The following CCDC125 variants were observed in gnomAD, a reference collection of about 807,000 sequenced individuals.
CCDC125 encodes the protein coiled-coil domain-containing protein 125.
In CCDC125, 43 loss-of-function variants were observed where a neutral mutation model predicts 57.4. That is an observed-to-expected ratio of 0.75 (90% CI 0.59 to 0.97). The LOEUF (loss-of-function observed/expected upper bound fraction) is 0.97. Among genes scored for constraint, CCDC125 ranks in the 50% least tolerant of loss-of-function variants. The probability of loss-of-function intolerance (pLI) is 0.00; values close to 1 mark genes in which losing one functional copy is unlikely to be tolerated. For synonymous variants in CCDC125, 187 were observed against 195.2 expected (o/e 0.96, Z 0.35); for missense variants, 563 against 595.7 (o/e 0.95, Z 0.57).
chr5:69,285,467 C>A lies in CCDC125; in HGVS notation c.1100G>T (p.Gly367Val), dbSNP rs1753186378. The A allele has an allele frequency of 1.3e-6, 2 of 1,590,680 alleles. No homozygotes were observed. The highest frequency in any genetic ancestry group is 1.4e-5 in the African/African-American group (1 of 73,322). ...WMNWKHLKED[G>V]FPSPRSKKTF... ...CTTCTTACTCCTTGGTGATGGAAAT[C>A]CTAAAATTGAACATGAGAATCCAGC... The change falls in exon 11 of 12, where the codon GGA becomes GTA. Residue 367 changes from glycine (G) to valine (V), a missense_variant and splice_region_variant. Coordinates refer to ENST00000396496, the MANE Select transcript of CCDC125 (RefSeq NM_176816.5).
chr5:69,285,211 T>TA (rs1753133912), intron 11 of CCDC125, 126 bp downstream of exon 11: 1 of 769,934 alleles, frequency 1.3e-6, no homozygotes, highest in African/African-American at 1.8e-5. Flanking sequence ...CATAATGTTT[T>TA]AAGAAAGTTT....
At position 69,282,800 on chromosome 5, in the gene CCDC125, G is replaced by C. The variant is rs1752622544; in HGVS notation, c.1465C>G (p.His489Asp). The C allele has an allele frequency of 4.3e-6, 7 of 1,614,056 alleles. No homozygotes were observed. The East Asian group carries it at 1.6e-4, about 36-fold the overall frequency. Reference sequence around the variant, plus strand: ...CTATAGTTTGGATCTATTTGAGAGTGCTGGATTGAACAAATGCAGCCCACA... The same window carrying C: ...CTATAGTTTGGATCTATTTGAGAGTCCTGGATTGAACAAATGCAGCCCACA... Reference protein sequence around the residue: ...NSVGCICSIQHSQIDPNYRTL... With the variant: ...NSVGCICSIQDSQIDPNYRTL... Residue 489 changes from histidine to aspartate, a missense_variant, in exon 12 of 12, where the codon CAC becomes GAC. Transcript: ENST00000396496.
At chr5:69,312,039 T>C (rs999544295) in intron 3 of CCDC125, among the ~76,000 whole-genome samples, 2 of 152,192 alleles carry the variant, frequency 1.3e-5, no homozygotes, top group African/African-American at 4.8e-5. Flanking sequence ...CCAGCCTCAG[T>C]TGGCTTTCAT....
chr5:69,283,107 G>A (rs2150274160), intron 11 of CCDC125, 73 bp from the exon 12 acceptor site: 4 of 1,232,916 alleles, frequency 3.2e-6, no homozygotes, highest in African/African-American at 1.5e-5. Flanking sequence ...AAGGAGTATT[G>A]TACTATTTTA....
chr5:69,331,761 T>C (rs1172302944), intron 1 of CCDC125, among the ~76,000 whole-genome samples: 3 of 152,162 alleles, frequency 2.0e-5, no homozygotes, highest in Non-Finnish European at 4.4e-5. Context: ...CCAGGAATGC[T>C]GTTTCTTCTC....
rs573778835 is a variant in CCDC125 at position 69,316,763 on chromosome 5, T to C, written c.305-2717A>G. Reference sequence around the variant, plus strand: ...CCTGGCCTCAAGTGATTCTCCCACCTCGGCCTCCCAAAATGCTGGGATTAT... The same window carrying C: ...CCTGGCCTCAAGTGATTCTCCCACCCCGGCCTCCCAAAATGCTGGGATTAT... On this transcript the variant is annotated intron_variant, in intron 2 of 11. Coordinates refer to ENST00000396496, the MANE Select transcript of CCDC125 (RefSeq NM_176816.5). Among the ~76,000 whole-genome samples the C allele has an allele frequency of 9.9e-5, 15 of 152,150 alleles. No individual in the cohort carries two copies. In the East Asian group the frequency reaches 2.1e-3, roughly 22 times the overall value.
chr5:69,323,627 T>C (rs906550600), intron 1 of CCDC125, among the ~76,000 whole-genome samples: 3 of 152,292 alleles, frequency 2.0e-5, no homozygotes, highest in African/African-American at 2.4e-5. Context: ...TTGGTTAGAC[T>C]GTACTTGCTT....
chr5:69,299,662 C>G (rs532911044), intron 8 of CCDC125, among the ~76,000 whole-genome samples: 1 of 152,354 alleles, frequency 6.6e-6, no homozygotes, highest in Non-Finnish European at 1.5e-5. Flanking sequence ...GCAGCCCTCA[C>G]AAGACTCCGA....
intron 3 of CCDC125, chr5:69,313,765 C>T (rs1448600664): frequency 1.3e-6 from 1 of 784,376 alleles, no homozygotes; most frequent in Non-Finnish European, 2.4e-6. Context: ...GGCGGAAGAG[C>T]ACCGCCTTCT....
In CCDC125 at chr5:69,285,516, G is replaced by C. The variant is rs377582346; in HGVS notation, c.1100-49C>G. 1.2e-5 allele frequency: 18 copies of C among 1,546,738 alleles called. No homozygotes were observed. In the Middle Eastern group the frequency reaches 5.1e-4, roughly 44 times the overall value. On this transcript the variant is annotated intron_variant, in intron 10 of 11. Coordinates refer to ENST00000396496, the MANE Select transcript of CCDC125 (RefSeq NM_176816.5). ...GCTGAGACATTAAAATATCCTCACT[G>C]ATATACTTCCAGCAAAAGAGGTAAC...
At chr5:69,301,234 C>A (rs11952620) in intron 7 of CCDC125, among the ~76,000 whole-genome samples, 2 of 152,002 alleles carry the variant, frequency 1.3e-5, no homozygotes, top group Admixed American at 6.5e-5. Flanking sequence ...CTTGGCTTTC[C>A]ATAGCACTGG....
In CCDC125 at chr5:69,307,551, G is replaced by A. The variant is rs751370100; in HGVS notation, c.531+400C>T. On this transcript the variant is annotated intron_variant, in intron 5 of 11. Coordinates refer to ENST00000396496, the MANE Select transcript of CCDC125 (RefSeq NM_176816.5). ...CAAAAAATTGGCTGGGCGTGGTGGC[G>A]GGCACCTGTAATCCCAGCTACTTGG... The A allele has an allele frequency of 3.5e-4, 58 of 165,146 alleles. 1 individual carries two copies. The highest frequency in any genetic ancestry group is 5.7e-4 in the Non-Finnish European group (43 of 75,654). The allele number at this position is 165,146 out of a possible 1,614,324, so 10.2% of individuals were successfully genotyped here. A position where few individuals can be genotyped will look rare whatever the true frequency, so the allele number is the denominator to read the frequency against.
intron 9 of CCDC125, among the ~76,000 whole-genome samples, chr5:69,292,652 T>C (rs1394596803): frequency 1.3e-5 from 2 of 152,120 alleles, no homozygotes; most frequent in African/African-American, 4.8e-5. Context: ...GCTCAAGTCC[T>C]GGGACAAAGG....
chr5:69,316,503 C>T (rs1759127811), intron 2 of CCDC125, among the ~76,000 whole-genome samples: 1 of 152,182 alleles, frequency 6.6e-6, no homozygotes, highest in Non-Finnish European at 1.5e-5. Flanking sequence ...AGTCTTCCCA[C>T]TGAACCTCCA....
chr5:69,281,511 C>A lies in CCDC125; in HGVS notation c.*1218G>T, dbSNP rs1752475592. The A allele has an allele frequency of 6.6e-6, 1 of 152,196 alleles. No individual in the cohort carries two copies. The highest frequency in any genetic ancestry group is 1.5e-5 in the Non-Finnish European group (1 of 68,054). 9.4% of individuals were successfully genotyped at this position (152,196 alleles called of 1,614,324 possible). A position where few individuals can be genotyped will look rare whatever the true frequency, so the allele number is the denominator to read the frequency against. Reference sequence around the variant, plus strand: ...GCACTTTGTAGACTTGGCTACAAATCTGTGCAGATTTGGTTGCAAAATGTT... The same window carrying A: ...GCACTTTGTAGACTTGGCTACAAATATGTGCAGATTTGGTTGCAAAATGTT... On this transcript the variant is annotated 3_prime_UTR_variant, in exon 12 of 12. Transcript: ENST00000396496.
At chr5:69,283,427 T>A (rs112065490) in intron 11 of CCDC125, among the ~76,000 whole-genome samples, 7,653 of 152,076 alleles carry the variant, frequency 0.05, 369 homozygotes, top group African/African-American at 0.12. Context: ...TCACTGTGTT[T>A]GCCAGGATGG....
In CCDC125 at chr5:69,306,819, G is replaced by C; in HGVS notation, c.615C>G (p.Asp205Glu). The C allele has an allele frequency of 6.7e-7, 1 of 1,485,668 alleles. No individual in the cohort carries two copies. The highest frequency in any genetic ancestry group is 2.5e-5 in the East Asian group (1 of 39,474). The allele number at this position is 1,485,668 out of a possible 1,614,324, so 92.0% of individuals were successfully genotyped here. A position where few individuals can be genotyped will look rare whatever the true frequency, so the allele number is the denominator to read the frequency against. ...NIEESWIQKY[D>E]RLNCENAVLK... ...AAATAATGGAGTAATATACAAACCT[G>C]TCATATTTTTGGATCCAAGATTCCT... The change falls in exon 6 of 12, where the codon GAC (aspartate) becomes GAG (glutamate). Residue 205 changes from aspartate (D) to glutamate (E), a missense_variant and splice_region_variant. Physicochemically the swap from Asp to Glu is conservative, Grantham distance 45. Coordinates refer to ENST00000396496, the MANE Select transcript of CCDC125 (RefSeq NM_176816.5).
intron 11 of CCDC125, among the ~76,000 whole-genome samples, chr5:69,284,040 C>T (rs1195888917): frequency 6.6e-6 from 1 of 151,368 alleles, no homozygotes; most frequent in South Asian, 2.1e-4. Context: ...CCACCCGCCT[C>T]GGCTTCCCAA....
chr5:69,277,169 A>T, downstream of CCDC125: 3 of 1,523,402 alleles, frequency 2.0e-6, no homozygotes, highest in Non-Finnish European at 2.7e-6. Context: ...CTACTGAGGG[A>T]AATAGCCAAA....
Sources: allele counts gnomAD v4.1 joint callset (sites outside exome capture counted in the v4.1 genomes callset), GRCh38; gene constraint gnomAD v4.1.1; transcripts MANE v1.5; gene names NCBI Gene and HGNC (gene_info 2026-07-23, HGNC 2026-07-21).